C5orf58: variants seen among roughly 807,000 people sequenced by gnomAD.
C5orf58 encodes the protein chromosome 5 open reading frame 58.
Under a neutral mutation model 2.9 loss-of-function variants are expected in C5orf58, and 2 were observed. The observed-to-expected ratio is 0.69, with a 90% CI of 0.28 to 2.18. The LOEUF (loss-of-function observed/expected upper bound fraction) is 2.18, where lower values mean the gene tolerates loss of function less well. Among genes scored for constraint, C5orf58 ranks in the 30% most tolerant of loss-of-function variants. The pLI is 0.13. For missense variants in C5orf58, 96 were observed against 91.7 expected (o/e 1.05, Z -0.19); for synonymous variants, 37 against 33.4 (o/e 1.11, Z -0.37).
chr5:170,234,784 G>A, intron 2 of C5orf58, 193 bp from the exon 3 acceptor site: 1 of 378,666 alleles, frequency 2.6e-6, no homozygotes, highest in Non-Finnish European at 4.7e-6. Context: ...AATTCCAGTT[G>A]GAGTTTTTAG....
chr5:170,239,530 A>T (rs1346109781), intron 3 of C5orf58, among the ~76,000 whole-genome samples: 1 of 148,522 alleles, frequency 6.7e-6, no homozygotes, highest in Non-Finnish European at 1.5e-5. Flanking sequence ...GTGAGCTATA[A>T]AAAAAAAAAA....
At chr5:170,237,716 C>G (rs1343722022) in intron 3 of C5orf58, among the ~76,000 whole-genome samples, 1 of 152,138 alleles carries the variant, frequency 6.6e-6, no homozygotes, top group East Asian at 1.9e-4. Context: ...AATTGTAGAT[C>G]CCTGAGGTCT....
intron 3 of C5orf58, among the ~76,000 whole-genome samples, chr5:170,236,494 C>T (rs1760745159): frequency 6.6e-6 from 1 of 152,160 alleles, no homozygotes; most frequent in South Asian, 2.1e-4. Flanking sequence ...AGCTTCAACA[C>T]CACAGTGAAG....
intron 3 of C5orf58, among the ~76,000 whole-genome samples, chr5:170,239,293 T>C (rs1760876959): frequency 6.6e-6 from 1 of 151,952 alleles, no homozygotes; most frequent in African/African-American, 2.4e-5. Flanking sequence ...CATTAGATAA[T>C]TGAGCTAAGC....
intron 3 of C5orf58, among the ~76,000 whole-genome samples, chr5:170,241,179 C>A (rs201493378): frequency 0.06 from 9,036 of 151,830 alleles, 729 homozygotes; most frequent in African/African-American, 0.19. Context: ...GTTAGTGTAG[C>A]CTTGTAGTAT....
At chr5:170,250,838 A>G, downstream of C5orf58, 1 of 1,613,206 alleles carries the variant, frequency 6.2e-7, no homozygotes, top group Middle Eastern at 1.7e-4. Context: ...GGACATATGG[A>G]TTGGTTGTTG....
chr5:170,248,883 G>T (rs556690049), downstream of C5orf58: 51 of 1,546,776 alleles, frequency 3.3e-5, no homozygotes, highest in South Asian at 4.6e-4. Flanking sequence ...TTCACTTTCA[G>T]TTTTTTTATC....
chr5:170,252,277 G>A, downstream of C5orf58: 1 of 457,128 alleles, frequency 2.2e-6, no homozygotes. Flanking sequence ...ATGGGTGCTG[G>A]TAGTTGTGAA....
At chr5:170,250,958 C>A (rs1003278709), downstream of C5orf58, 405 of 1,238,612 alleles carry the variant, frequency 3.3e-4, no homozygotes, top group East Asian at 1.9e-3. Context: ...GAGTAGTAGA[C>A]AAGCCTCTAG....
chr5:170,251,227 T>C (rs368725909), downstream of C5orf58: 25 of 221,696 alleles, frequency 1.1e-4, no homozygotes, highest in African/African-American at 5.1e-4. Context: ...TAAAATACTT[T>C]ATTGGTTAAC....
chr5:170,239,775 TA>T (rs1383845438), intron 3 of C5orf58, among the ~76,000 whole-genome samples: 1 of 151,354 alleles, frequency 6.6e-6, no homozygotes, highest in African/African-American at 2.5e-5. Flanking sequence ...ACATAAATCT[TA>T]TTTTTTTTTT....
chr5:170,237,849 G>A (rs149011222), intron 3 of C5orf58, among the ~76,000 whole-genome samples: 8 of 152,326 alleles, frequency 5.3e-5, no homozygotes, highest in African/African-American at 1.9e-4. Flanking sequence ...ATACTGTAAA[G>A]AAGGACACTG....
chr5:170,240,673 T>C (rs1308992407), intron 3 of C5orf58, among the ~76,000 whole-genome samples: 1 of 151,534 alleles, frequency 6.6e-6, no homozygotes, highest in Non-Finnish European at 1.5e-5. Flanking sequence ...TTCTGGATAT[T>C]AGCCCTTTGT....
At chr5:170,249,362 G>GTGTATATATATATATATA (rs549497220), downstream of C5orf58, among the ~76,000 whole-genome samples, 1 of 108,146 alleles carries the variant, frequency 9.2e-6, no homozygotes, top group African/African-American at 3.1e-5. Context: ...GCATGCGTGT[G>GTGTATATATATATATATA]TATATATATA....
chr5:170,243,615 GT>G, intron 3 of C5orf58, among the ~76,000 whole-genome samples: 1 of 149,532 alleles, frequency 6.7e-6, no homozygotes, highest in Non-Finnish European at 1.5e-5. Context: ...GCCTTTTTTT[GT>G]TTTCCATTTG....
At chr5:170,248,550 C>A, downstream of C5orf58, 1 of 792,478 alleles carries the variant, frequency 1.3e-6, no homozygotes, top group Non-Finnish European at 2.1e-6. Flanking sequence ...TCATTTCAAA[C>A]ACTGTTTTTA....
In C5orf58 at chr5:170,246,228, A is replaced by G. The variant is rs545184911; in HGVS notation, c.*115A>G. On this transcript the variant is annotated 3_prime_UTR_variant, in exon 4 of 4. Transcript: ENST00000593851. ...AAACAAAATAAAAATAATGTAAACA[A>G]GCAGTTCATGTTCTTGAAGGCTGTT... The G allele has an allele frequency of 4.6e-6, 4 of 873,690 alleles. No individual in the cohort carries two copies. The highest frequency in any genetic ancestry group is 3.6e-4 in the Middle Eastern group (1 of 2,746). 54.1% of individuals were successfully genotyped at this position (873,690 alleles called of 1,614,324 possible).
At chr5:170,245,153 G>A (rs1761207348) in intron 3 of C5orf58, among the ~76,000 whole-genome samples, 2 of 152,168 alleles carry the variant, frequency 1.3e-5, no homozygotes, top group Admixed American at 1.3e-4. Flanking sequence ...GCTGCGTGCT[G>A]GGAGAACCAC....
At chr5:170,245,215 GCTGT>G (rs1460977041) in intron 3 of C5orf58, among the ~76,000 whole-genome samples, 1 of 152,204 alleles carries the variant, frequency 6.6e-6, no homozygotes. Context: ...AGAGGTTACT[GCTGT>G]CTTTTTGTTT....
Sources: allele counts gnomAD v4.1 joint callset (sites outside exome capture counted in the v4.1 genomes callset), GRCh38; gene constraint gnomAD v4.1.1; transcripts MANE v1.5; gene names NCBI Gene and HGNC (gene_info 2026-07-23, HGNC 2026-07-21).